SCHIP1: variants seen among roughly 807,000 people sequenced by gnomAD.
The protein encoded by SCHIP1 is schwannomin interacting protein 1.
Under a neutral mutation model 29.7 loss-of-function variants are expected in SCHIP1, and 8 were observed. That is an observed-to-expected ratio of 0.27 (90% confidence interval 0.16 to 0.49). SCHIP1 has a LOEUF of 0.49. Ranked by LOEUF, SCHIP1 falls within the 20% of genes least tolerant of loss-of-function variation. SCHIP1 has a pLI of 0.99. For missense variants in SCHIP1, 193 were observed against 294.6 expected, an observed-to-expected ratio of 0.66 and a Z score of 2.52; for synonymous variants, 76 against 94.9, an observed-to-expected ratio of 0.80 and a Z score of 1.16.
chr3:159,769,251 A>G, the SCHIP1 span, among the ~76,000 whole-genome samples: 32 of 145,706 alleles, frequency 2.2e-4, no homozygotes, highest in Non-Finnish European at 4.5e-4. Flanking sequence ...GCTCCTGTTC[A>G]AAAGGCTCTG....
the SCHIP1 span, among the ~76,000 whole-genome samples, chr3:159,471,348 C>T: frequency 1.3e-5 from 2 of 151,998 alleles, no homozygotes; most frequent in African/African-American, 2.4e-5. Flanking sequence ...TAAAAAGCGG[C>T]CTAACCAAAA....
chr3:159,728,720 C>A, the SCHIP1 span, among the ~76,000 whole-genome samples: 6 of 152,166 alleles, frequency 3.9e-5, no homozygotes, highest in African/African-American at 1.4e-4. Context: ...AGAGAACAAA[C>A]CAGACTTGGG....
the SCHIP1 span, among the ~76,000 whole-genome samples, chr3:159,583,164 G>C: frequency 2.0e-5 from 3 of 152,138 alleles, no homozygotes; most frequent in African/African-American, 7.2e-5. Flanking sequence ...TATCACATTT[G>C]ACCTTCTAAC....
the SCHIP1 span, among the ~76,000 whole-genome samples, chr3:159,691,079 G>A: frequency 6.1e-4 from 93 of 152,276 alleles, 2 homozygotes; most frequent in East Asian, 0.013. Context: ...TTGATTTGGG[G>A]TGGAGAGTTC....
At chr3:159,778,368 A>C in the SCHIP1 span, among the ~76,000 whole-genome samples, 1 of 152,202 alleles carries the variant, frequency 6.6e-6, no homozygotes, top group African/African-American at 2.4e-5. Context: ...ATAAATTACA[A>C]AGATAGTACA....
At chr3:159,506,383 T>A in the SCHIP1 span, among the ~76,000 whole-genome samples, 1 of 152,194 alleles carries the variant, frequency 6.6e-6, no homozygotes, top group Non-Finnish European at 1.5e-5. Flanking sequence ...GTCAGATGAG[T>A]AGATTGCAAA....
exon 1 of SCHIP1, chr3:159,839,864 T>C: frequency 1.6e-5 from 22 of 1,363,030 alleles, no homozygotes; most frequent in Non-Finnish European, 2.1e-5. Flanking sequence ...CTGATCCTTT[T>C]CTTTGTGCCT....
chr3:159,855,350 A>C (rs970507264), intron 1 of SCHIP1, among the ~76,000 whole-genome samples: 2 of 152,204 alleles, frequency 1.3e-5, no homozygotes, highest in African/African-American at 4.8e-5. Flanking sequence ...AGGAATAAGA[A>C]AATAGTTACC....
chr3:159,896,711 A>G lies in SCHIP1; in HGVS notation c.684-12A>G. On this transcript the variant is annotated splice_polypyrimidine_tract_variant and intron_variant, in intron 6 of 6. Coordinates refer to ENST00000445224, the Ensembl canonical transcript of SCHIP1. ...TACATGATGCTAAATAATTGTATTA[A>G]TTGTTTTACAGACATGCTGAAAGTC... 10 of 1,595,578 alleles carry G rather than the reference A, an allele frequency of 6.3e-6. No homozygotes were observed. Among genetic ancestry groups the G allele is most frequent in the Non-Finnish European group, 8.5e-6 (10 of 1,173,196 alleles).
chr3:159,864,193 C>A (rs904709684), intron 1 of SCHIP1, among the ~76,000 whole-genome samples: 12 of 152,076 alleles, frequency 7.9e-5, no homozygotes, highest in African/African-American at 2.9e-4. Context: ...ATAAAGGTGT[C>A]AAGTGATGTG....
chr3:159,392,695 C>T, the SCHIP1 span, among the ~76,000 whole-genome samples: 1 of 151,874 alleles, frequency 6.6e-6, no homozygotes, highest in South Asian at 2.1e-4. Context: ...GCCACATTTT[C>T]TTAATCCAGT....
At chr3:159,746,488 C>G in the SCHIP1 span, among the ~76,000 whole-genome samples, 1 of 152,174 alleles carries the variant, frequency 6.6e-6, no homozygotes, top group Non-Finnish European at 1.5e-5. Context: ...TGGTGCAGAT[C>G]TATACTGCTG....
At chr3:159,792,952 T>C in the SCHIP1 span, among the ~76,000 whole-genome samples, 1 of 152,216 alleles carries the variant, frequency 6.6e-6, no homozygotes, top group Non-Finnish European at 1.5e-5. Flanking sequence ...TTTTATTCTC[T>C]CTGCTTGTTT....
chr3:159,715,521 G>A, the SCHIP1 span, among the ~76,000 whole-genome samples: 46 of 152,296 alleles, frequency 3.0e-4, no homozygotes, highest in East Asian at 8.7e-3. Flanking sequence ...TTGGACAAAT[G>A]GCTAACTAGA....
the SCHIP1 span, among the ~76,000 whole-genome samples, chr3:159,675,222 T>C: frequency 6.6e-6 from 1 of 152,226 alleles, no homozygotes; most frequent in Admixed American, 6.5e-5. Context: ...TTTTAGTTTA[T>C]AGGCACAACT....
the SCHIP1 span, among the ~76,000 whole-genome samples, chr3:159,429,820 G>A: frequency 0.17 from 25,640 of 152,138 alleles, 2,483 homozygotes; most frequent in South Asian, 0.37. Context: ...AAATTGCACA[G>A]ATAAAGCCTC....
the SCHIP1 span, among the ~76,000 whole-genome samples, chr3:159,607,251 G>A: frequency 6.6e-6 from 1 of 152,072 alleles, no homozygotes; most frequent in Non-Finnish European, 1.5e-5. Context: ...ACTACCATTA[G>A]TCATTCAGTT....
chr3:159,694,885 G>C, the SCHIP1 span, among the ~76,000 whole-genome samples: 6 of 152,070 alleles, frequency 3.9e-5, no homozygotes, highest in African/African-American at 4.8e-5. Context: ...TGGTTGATTG[G>C]GCTCAACGTA....
chr3:159,623,110 A>G, the SCHIP1 span, among the ~76,000 whole-genome samples: 1 of 152,218 alleles, frequency 6.6e-6, no homozygotes. Flanking sequence ...TCCTCAGGCA[A>G]CAGAAATAGA....
Sources: allele counts gnomAD v4.1 joint callset (sites outside exome capture counted in the v4.1 genomes callset), GRCh38; gene constraint gnomAD v4.1.1; transcripts MANE v1.5; gene names NCBI Gene and HGNC (gene_info 2026-07-23, HGNC 2026-07-21).